The following SPOCK3 variants were observed in gnomAD, a reference collection of about 807,000 sequenced individuals.
The protein encoded by SPOCK3 is SPARC (osteonectin), cwcv and kazal like domains proteoglycan 3.
SPOCK3 carries 30 observed loss-of-function variants against 56.6 expected under a neutral mutation model. The ratio of observed to expected loss-of-function variants is 0.53; its 90% CI spans 0.40 to 0.72. The LOEUF (loss-of-function observed/expected upper bound fraction) is 0.72, where lower values mean the gene tolerates loss of function less well. SPOCK3 is among the 30% of genes least tolerant of loss of function. SPOCK3 has a pLI of 0.00. For missense variants in SPOCK3, 527 were observed against 530.0 expected (o/e 0.99, Z 0.06); for synonymous variants, 196 against 183.3 (o/e 1.07, Z -0.56).
intron 2 of SPOCK3, among the ~76,000 whole-genome samples, chr4:167,075,414 C>T (rs1757096669): frequency 6.6e-6 from 1 of 151,840 alleles, no homozygotes; most frequent in Admixed American, 6.6e-5. Context: ...ATTCTTTGAG[C>T]CACACTGATC....
At chr4:167,111,762 CTT>C (rs3082401) in intron 2 of SPOCK3, among the ~76,000 whole-genome samples, 6 of 145,748 alleles carry the variant, frequency 4.1e-5, no homozygotes, top group African/African-American at 5.0e-5. Context: ...AAAAGTAGCA[CTT>C]TTTTTTTTTT....
chr4:166,764,394 A>T (rs1317032422), intron 7 of SPOCK3, among the ~76,000 whole-genome samples: 1 of 151,624 alleles, frequency 6.6e-6, no homozygotes, highest in African/African-American at 2.4e-5. Context: ...CCTGTGTCCA[A>T]GTGTTCTCAT....
At position 167,000,395 on chromosome 4, in the gene SPOCK3, C is replaced by T. The variant is rs1748827643; in HGVS notation, c.304G>A (p.Asp102Asn). 6.2e-7 allele frequency: 1 copy of T among 1,607,700 alleles called. No individual in the cohort carries two copies. The highest frequency in any genetic ancestry group is 1.3e-5 in the African/African-American group (1 of 74,602). The change falls in exon 4 of 11, where the codon GAT (aspartate) becomes AAT (asparagine). Residue 102 changes from aspartate to asparagine, a missense_variant. Physicochemically the swap from Asp to Asn is conservative, Grantham distance 23. Coordinates refer to ENST00000357545, the MANE Select transcript of SPOCK3 (RefSeq NM_001040159.2). ...CSRHKVCIAQ[D>N]SQTAVCISHR... The stretch of plus-strand genomic sequence containing the variant: ...CTAATGCAGACTGCAGTCTGAGAAT[C>T]TTGAGCAATGCATACTTTATGGCGA...
chr4:166,863,150 C>A (rs1356169186), intron 6 of SPOCK3, among the ~76,000 whole-genome samples: 1 of 152,036 alleles, frequency 6.6e-6, no homozygotes, highest in Non-Finnish European at 1.5e-5. Context: ...AATTTCATAT[C>A]CAGCCAAACT....
intron 4 of SPOCK3, among the ~76,000 whole-genome samples, chr4:166,938,843 G>A (rs1411418887): frequency 6.6e-6 from 1 of 151,996 alleles, no homozygotes; most frequent in East Asian, 1.9e-4. Flanking sequence ...TTCCAAAAAA[G>A]AGGTGCTAAT....
chr4:166,744,018 C>A (rs1735229854), intron 8 of SPOCK3, among the ~76,000 whole-genome samples: 1 of 152,210 alleles, frequency 6.6e-6, no homozygotes, highest in Non-Finnish European at 1.5e-5. Context: ...GTAGACTCCA[C>A]CTCTGAGGGC....
chr4:167,134,069 C>T (rs1228226048), intron 2 of SPOCK3, among the ~76,000 whole-genome samples: 1 of 130,412 alleles, frequency 7.7e-6, no homozygotes, highest in African/African-American at 3.0e-5. Flanking sequence ...TGCTCTGTTG[C>T]CCAGGCTGAA....
rs1747921239 is a variant in SPOCK3 at position 166,845,123 on chromosome 4, C to T, written c.589+44007G>A. Among the ~76,000 whole-genome samples the T allele has an allele frequency of 3.3e-5, 5 of 152,264 alleles. 1 individual carries two copies. The South Asian group carries it at 8.3e-4, about 25-fold the overall frequency. On this transcript the variant is annotated intron_variant, in intron 6 of 10. Coordinates refer to ENST00000357545, the MANE Select transcript of SPOCK3 (RefSeq NM_001040159.2). ...ATATAAAATTTTCTACTGTAACCCA[C>T]ATTATTCAGTAATATTGTACATTAA...
intron 2 of SPOCK3, among the ~76,000 whole-genome samples, chr4:167,182,186 T>A (rs1432032640): frequency 6.6e-6 from 1 of 152,026 alleles, no homozygotes; most frequent in East Asian, 1.9e-4. Flanking sequence ...ATCTGGCAAC[T>A]TTTTTTTCCC....
chr4:166,843,020 C>T (rs1370234984), intron 6 of SPOCK3, among the ~76,000 whole-genome samples: 1 of 152,218 alleles, frequency 6.6e-6, no homozygotes, highest in Non-Finnish European at 1.5e-5. Flanking sequence ...CCCCAGTGGG[C>T]CGGCGCTGCT....
intron 7 of SPOCK3, among the ~76,000 whole-genome samples, chr4:166,782,629 A>T (rs1740298957): frequency 6.6e-6 from 1 of 152,194 alleles, no homozygotes; most frequent in Non-Finnish European, 1.5e-5. Flanking sequence ...GAATTACAGT[A>T]GAAATCAATA....
chr4:167,154,342 T>C (rs563687369), intron 2 of SPOCK3, among the ~76,000 whole-genome samples: 2 of 152,170 alleles, frequency 1.3e-5, no homozygotes, highest in East Asian at 3.9e-4. Flanking sequence ...GGTGCCTGTT[T>C]TGGGACCAGG....
At chr4:167,186,271 A>G (rs527549691) in intron 2 of SPOCK3, among the ~76,000 whole-genome samples, 4 of 152,242 alleles carry the variant, frequency 2.6e-5, no homozygotes, top group Non-Finnish European at 5.9e-5. Flanking sequence ...ATTATTTTAC[A>G]TTTAAAAATA....
At chr4:167,160,628 T>C (rs183595550) in intron 2 of SPOCK3, among the ~76,000 whole-genome samples, 319 of 152,178 alleles carry the variant, frequency 2.1e-3, no homozygotes, top group African/African-American at 7.0e-3. Context: ...TCACTCTACC[T>C]GACTTCAAAC....
At chr4:167,116,873 A>T (rs935710831) in intron 2 of SPOCK3, among the ~76,000 whole-genome samples, 1 of 141,182 alleles carries the variant, frequency 7.1e-6, no homozygotes. Flanking sequence ...ATATAGATAT[A>T]CTTTTGTATA....
chr4:166,818,203 G>A (rs1744572766), intron 6 of SPOCK3, among the ~76,000 whole-genome samples: 1 of 151,886 alleles, frequency 6.6e-6, no homozygotes, highest in African/African-American at 2.4e-5. Flanking sequence ...TGCTGTGAAT[G>A]ACAGGATTTC....
chr4:167,025,105 T>A (rs1751578217), intron 3 of SPOCK3, among the ~76,000 whole-genome samples: 1 of 152,060 alleles, frequency 6.6e-6, no homozygotes, highest in Admixed American at 6.6e-5. Flanking sequence ...GAGTAGATAA[T>A]ATATCTGAAA....
At chr4:167,012,436 C>T (rs996415502) in intron 3 of SPOCK3, among the ~76,000 whole-genome samples, 2 of 151,990 alleles carry the variant, frequency 1.3e-5, no homozygotes, top group African/African-American at 2.4e-5. Context: ...ATACCCTTCT[C>T]TTGAATTTCA....
Position 166,737,643 on chromosome 4 carries a change from T to C in SPOCK3, c.995-39A>G. 4 of 1,575,844 alleles carry C rather than the reference T, an allele frequency of 2.5e-6. No homozygotes were observed. In the South Asian group the frequency reaches 4.7e-5, roughly 19 times the overall value. On this transcript the variant is annotated intron_variant, in intron 9 of 10. Coordinates refer to ENST00000357545, the MANE Select transcript of SPOCK3 (RefSeq NM_001040159.2). ...ACACAGGCATACAAACACACACATG[T>C]AGTTTATGAATAAGCTGTGCTCCTT...
Sources: allele counts gnomAD v4.1 joint callset (sites outside exome capture counted in the v4.1 genomes callset), GRCh38; gene constraint gnomAD v4.1.1; transcripts MANE v1.5; gene names NCBI Gene and HGNC (gene_info 2026-07-23, HGNC 2026-07-21).